SPMIP7: variants seen among roughly 807,000 people sequenced by gnomAD.
SPMIP7 encodes sperm microtubule inner protein 7.
At chr7:50,099,203 T>C in the SPMIP7 span, among the ~76,000 whole-genome samples, 118,972 of 152,116 alleles carry the variant, frequency 0.78, 46,605 homozygotes, top group East Asian at 0.88. Context: ...ATTTGGTCTA[T>C]GTGTTATTCA....
chr7:50,145,550 A>G, the SPMIP7 span, among the ~76,000 whole-genome samples: 1 of 117,712 alleles, frequency 8.5e-6, no homozygotes, highest in Non-Finnish European at 1.7e-5. Context: ...ATTGTAGATT[A>G]TATATACATA....
the SPMIP7 span, chr7:50,142,579 C>G: frequency 3.3e-4 from 50 of 152,318 alleles, no homozygotes; most frequent in African/African-American, 1.1e-3. Context: ...GAATCTTAAC[C>G]TGTTAACACA....
the SPMIP7 span, among the ~76,000 whole-genome samples, chr7:50,146,542 G>A: frequency 6.6e-6 from 1 of 152,136 alleles, no homozygotes; most frequent in African/African-American, 2.4e-5. Flanking sequence ...TTGTGGCCAC[G>A]ACATCTTATG....
the SPMIP7 span, among the ~76,000 whole-genome samples, chr7:50,135,711 AAGCTTAGGATCTAG>A: frequency 6.6e-6 from 1 of 152,194 alleles, no homozygotes; most frequent in African/African-American, 2.4e-5. Context: ...ATGATATTCA[AAGCTTAGGATCTAG>A]GCTCGTTTGG....
At chr7:50,108,865 G>T in the SPMIP7 span, among the ~76,000 whole-genome samples, 5 of 152,136 alleles carry the variant, frequency 3.3e-5, no homozygotes, top group South Asian at 6.2e-4. Flanking sequence ...AAGTACAGGG[G>T]ATTGGGTTGT....
the SPMIP7 span, chr7:50,104,278 T>A: frequency 8.6e-7 from 1 of 1,156,306 alleles, no homozygotes; most frequent in South Asian, 1.6e-5. Flanking sequence ...ATTGTGTTTT[T>A]AACCAAAATC....
the SPMIP7 span, among the ~76,000 whole-genome samples, chr7:50,106,632 A>G: frequency 1.3e-5 from 2 of 152,246 alleles, no homozygotes; most frequent in African/African-American, 4.8e-5. Context: ...CATAATTAAC[A>G]TATCCAAATA....
chr7:50,096,104 G>A, the SPMIP7 span: 1 of 1,489,978 alleles, frequency 6.7e-7, no homozygotes, highest in African/African-American at 1.4e-5. Context: ...AGAAATTCAG[G>A]ACACACCTGG....
chr7:50,148,288 T>C, the SPMIP7 span, among the ~76,000 whole-genome samples: 2 of 152,376 alleles, frequency 1.3e-5, no homozygotes, highest in East Asian at 3.9e-4. Context: ...TGAAATGTTA[T>C]TATTAAATAT....
chr7:50,140,946 C>T, the SPMIP7 span, among the ~76,000 whole-genome samples: 4 of 152,218 alleles, frequency 2.6e-5, no homozygotes, highest in Admixed American at 1.3e-4. Context: ...ACACCAGCCT[C>T]TTCCTTGCCC....
the SPMIP7 span, among the ~76,000 whole-genome samples, chr7:50,127,617 C>CTATATATATATATATATA: frequency 1.6e-3 from 233 of 142,388 alleles, 1 homozygote; most frequent in African/African-American, 4.8e-3. Context: ...ATATCTTTTT[C>CTATATATATATATATATA]TATATATATA....
chr7:50,135,086 G>A, the SPMIP7 span, among the ~76,000 whole-genome samples: 2 of 152,110 alleles, frequency 1.3e-5, no homozygotes, highest in Non-Finnish European at 2.9e-5. Flanking sequence ...CTCGTTTCCA[G>A]GTTGTGTGCT....
the SPMIP7 span, among the ~76,000 whole-genome samples, chr7:50,109,312 T>C: frequency 6.6e-5 from 10 of 152,234 alleles, no homozygotes; most frequent in South Asian, 2.1e-3. Flanking sequence ...TAATAAGAAA[T>C]GTTTTCCTTT....
the SPMIP7 span, among the ~76,000 whole-genome samples, chr7:50,155,634 A>G: frequency 6.6e-6 from 1 of 152,186 alleles, no homozygotes; most frequent in Non-Finnish European, 1.5e-5. Context: ...CCAATGTGTG[A>G]TAAAACGTTC....
the SPMIP7 span, among the ~76,000 whole-genome samples, chr7:50,130,502 A>C: frequency 6.6e-6 from 1 of 151,276 alleles, no homozygotes; most frequent in East Asian, 1.9e-4. Context: ...TACACAGGTA[A>C]GGATTATTAC....
chr7:50,134,028 T>G, the SPMIP7 span: 9 of 1,288,112 alleles, frequency 7.0e-6, no homozygotes, highest in Non-Finnish European at 8.4e-6. Flanking sequence ...TCGGATTCTC[T>G]TATCATAGTA....
At chr7:50,107,407 A>AC in the SPMIP7 span, among the ~76,000 whole-genome samples, 2 of 148,836 alleles carry the variant, frequency 1.3e-5, no homozygotes, top group Non-Finnish European at 3.0e-5. Flanking sequence ...AAAAAGAAAA[A>AC]AAAAAAAGAA....
At chr7:50,122,068 G>A in the SPMIP7 span, among the ~76,000 whole-genome samples, 2 of 152,086 alleles carry the variant, frequency 1.3e-5, no homozygotes, top group South Asian at 2.1e-4. Flanking sequence ...AAGGAAATGA[G>A]GGAAATTTAT....
the SPMIP7 span, among the ~76,000 whole-genome samples, chr7:50,143,159 A>ATTT: frequency 2.6e-5 from 3 of 113,612 alleles, no homozygotes; most frequent in African/African-American, 3.2e-5. Context: ...AGTGAAAGCC[A>ATTT]TTTTTTTTTT....
Sources: gnomAD v4.1 joint callset for allele counts (sites outside exome capture counted in the v4.1 genomes callset) on GRCh38, gnomAD v4.1.1 for gene constraint, MANE v1.5 for transcripts, NCBI Gene and HGNC (gene_info 2026-07-23, HGNC 2026-07-21) for gene names.